Variants in NOL4 observed in about 807,000 individuals in gnomAD.
NOL4 encodes nucleolar protein 4.
NOL4 carries 17 observed loss-of-function variants against 75.9 expected under a neutral mutation model. The ratio of observed to expected loss-of-function variants is 0.22; its 90% CI spans 0.15 to 0.34. NOL4 has a LOEUF of 0.34. NOL4 is among the 10% of genes least tolerant of loss of function. The pLI is 1.00. For missense variants in NOL4, 614 were observed against 793.5 expected, an observed-to-expected ratio of 0.77 and a Z score of 2.72; for synonymous variants, 292 against 289.9, an observed-to-expected ratio of 1.01 and a Z score of -0.07.
chr18:34,218,686 C>T (rs1231899569), intron 1 of NOL4, among the ~76,000 whole-genome samples: 3 of 151,714 alleles, frequency 2.0e-5, no homozygotes, highest in African/African-American at 4.9e-5. Context: ...TACAGGATCT[C>T]CCAAAGTACT....
Position 33,898,206 on chromosome 18 carries a change from C to T in NOL4, c.1543-14782G>A, listed in dbSNP as rs528740644. 1.3e-4 allele frequency among the ~76,000 whole-genome samples: 20 copies of T among 152,250 alleles called. No homozygotes were observed. The South Asian group carries it at 3.9e-3, about 30-fold the overall frequency. On this transcript the variant is annotated intron_variant, in intron 9 of 10. Coordinates refer to ENST00000261592, the MANE Select transcript of NOL4 (RefSeq NM_003787.5). ...AGGATTATAGATGTGAGCCACTGTG[C>T]CCAACCAAAAATATTTCCTAAATTA...
intron 5 of NOL4, among the ~76,000 whole-genome samples, chr18:34,077,124 G>A (rs1464451860): frequency 5.3e-5 from 8 of 152,012 alleles, no homozygotes; most frequent in African/African-American, 1.5e-4. Context: ...TGGGCAACAT[G>A]GTGAAACCCG....
intron 1 of NOL4, among the ~76,000 whole-genome samples, chr18:34,153,101 G>A (rs1052493970): frequency 3.3e-5 from 5 of 151,616 alleles, no homozygotes; most frequent in African/African-American, 1.2e-4. Context: ...GTTTCCAGTT[G>A]TTTCTATTAA....
At chr18:34,103,252 CTATTGAG>C (rs1281183082) in intron 4 of NOL4, among the ~76,000 whole-genome samples, 3 of 152,004 alleles carry the variant, frequency 2.0e-5, no homozygotes, top group African/African-American at 7.2e-5. Context: ...CTGAATGCAT[CTATTGAG>C]TATTAACTAG....
chr18:33,915,729 G>C (rs1329330549), intron 9 of NOL4, among the ~76,000 whole-genome samples: 1 of 152,174 alleles, frequency 6.6e-6, no homozygotes, highest in East Asian at 1.9e-4. Flanking sequence ...ATAGCAAAAG[G>C]GTGAATATTA....
At chr18:34,088,419 C>A (rs1219785702) in intron 5 of NOL4, among the ~76,000 whole-genome samples, 1 of 152,080 alleles carries the variant, frequency 6.6e-6, no homozygotes, top group Admixed American at 6.6e-5. Flanking sequence ...GATTCAAACA[C>A]AGAAGCTCAA....
intron 5 of NOL4, among the ~76,000 whole-genome samples, chr18:34,071,052 A>C (rs1418651486): frequency 6.6e-6 from 1 of 152,166 alleles, no homozygotes; most frequent in African/African-American, 2.4e-5. Flanking sequence ...GGGTGACAAT[A>C]GTAAACAACA....
chr18:34,093,790 A>G (rs2078638376), intron 4 of NOL4, among the ~76,000 whole-genome samples, 193 bp from the exon 5 acceptor site: 1 of 152,222 alleles, frequency 6.6e-6, no homozygotes, highest in Non-Finnish European at 1.5e-5. Flanking sequence ...CTGTAATCCC[A>G]GCACTTTCAG....
At chr18:34,100,832 T>C (rs1390802628) in intron 4 of NOL4, among the ~76,000 whole-genome samples, 1 of 152,204 alleles carries the variant, frequency 6.6e-6, no homozygotes, top group Non-Finnish European at 1.5e-5. Context: ...ATGCCAACTG[T>C]CTAATTGACA....
intron 9 of NOL4, among the ~76,000 whole-genome samples, chr18:33,923,163 T>A (rs1355191021): frequency 2.6e-5 from 4 of 152,106 alleles, no homozygotes; most frequent in Non-Finnish European, 5.9e-5. Context: ...AAGAATACCC[T>A]CATGGATTTG....
intron 1 of NOL4, among the ~76,000 whole-genome samples, chr18:34,148,684 T>C (rs535829448): frequency 6.6e-6 from 1 of 152,150 alleles, no homozygotes; most frequent in South Asian, 2.1e-4. Context: ...GAAGAATATA[T>C]TCTGTTGATT....
chr18:34,114,184 T>C (rs2079740642), intron 2 of NOL4, among the ~76,000 whole-genome samples: 1 of 152,226 alleles, frequency 6.6e-6, no homozygotes, highest in African/African-American at 2.4e-5. Flanking sequence ...TGCTTCTAGA[T>C]GGAAATTGGA....
intron 1 of NOL4, among the ~76,000 whole-genome samples, chr18:34,133,548 G>A (rs1212459898): frequency 6.6e-6 from 1 of 151,852 alleles, no homozygotes; most frequent in Non-Finnish European, 1.5e-5. Context: ...TGACTTCAAA[G>A]GCAACTGGAT....
chr18:33,939,119 C>G (rs2068279533), intron 9 of NOL4, among the ~76,000 whole-genome samples: 1 of 152,148 alleles, frequency 6.6e-6, no homozygotes, highest in South Asian at 2.1e-4. Context: ...GGCCTCTGCT[C>G]TGTTCCAATG....
At chr18:34,124,129 A>G (rs982607065) in intron 2 of NOL4, among the ~76,000 whole-genome samples, 1 of 152,160 alleles carries the variant, frequency 6.6e-6, no homozygotes, top group Non-Finnish European at 1.5e-5. Flanking sequence ...GCAGGAACCT[A>G]TATTTGTCTG....
At chr18:33,944,073 T>C (rs1375079278) in intron 8 of NOL4, among the ~76,000 whole-genome samples, 2 of 151,764 alleles carry the variant, frequency 1.3e-5, no homozygotes, top group African/African-American at 4.8e-5. Flanking sequence ...AGATGAGAAA[T>C]AACAAAATTA....
At chr18:34,197,850 G>A (rs762097116) in intron 1 of NOL4, among the ~76,000 whole-genome samples, 5 of 151,818 alleles carry the variant, frequency 3.3e-5, no homozygotes, top group Non-Finnish European at 5.9e-5. Flanking sequence ...AGAGGAAATG[G>A]GTTGATAAAA....
At position 33,943,094 on chromosome 18, in the gene NOL4, C is replaced by T. The variant is rs114980815; in HGVS notation, c.1513G>A (p.Ala505Thr). 6.1e-5 allele frequency: 99 copies of T among 1,611,304 alleles called. 2 individuals are homozygous for T. In the African/African-American group the frequency reaches 8.4e-4, roughly 14 times the overall value. The change falls in exon 9 of 11, where the codon GCC becomes ACC. Residue 505 changes from alanine to threonine, a missense_variant. Ala to Thr is a moderately conservative substitution (Grantham distance 58, BLOSUM62 0). Transcript: ENST00000261592. ...TGTCTCTCCAGACGCATCCTCTTGGCGGCATTTCTACTCTCACTCTCACAA... is the reference window on the plus strand; with the variant it reads ...TGTCTCTCCAGACGCATCCTCTTGGTGGCATTTCTACTCTCACTCTCACAA... ...SACESESRNA[A>T]KRMRLERQQD...
At chr18:33,873,892 T>G (rs780016265) in intron 10 of NOL4, among the ~76,000 whole-genome samples, 1 of 151,822 alleles carries the variant, frequency 6.6e-6, no homozygotes, top group Non-Finnish European at 1.5e-5. Flanking sequence ...GCCAGAAAAT[T>G]AGTGAGGTAA....
Sources: allele counts gnomAD v4.1 joint callset (sites outside exome capture counted in the v4.1 genomes callset), GRCh38; gene constraint gnomAD v4.1.1; transcripts MANE v1.5; gene names NCBI Gene and HGNC (gene_info 2026-07-23, HGNC 2026-07-21).